NPRL3: variants seen among roughly 807,000 people sequenced by gnomAD.
NPRL3 encodes NPR3 like, GATOR1 complex subunit.
A neutral mutation model predicts 57.2 loss-of-function variants in NPRL3; 23 were observed. That is an observed-to-expected ratio of 0.40 (90% CI 0.29 to 0.57). The LOEUF (loss-of-function observed/expected upper bound fraction) is 0.57, where lower values mean the gene tolerates loss of function less well. NPRL3 is among the 20% of genes least tolerant of loss of function. The pLI, the probability that NPRL3 is intolerant of heterozygous loss-of-function variation, is 0.42. For missense variants in NPRL3, 691 were observed against 767.1 expected (o/e 0.90, Z 1.17); for synonymous variants, 333 against 321.1 (o/e 1.04, Z -0.39).
At chr16:117,270 C>G (rs752069287) in intron 5 of NPRL3, 31 bp downstream of exon 5, 20 of 1,502,964 alleles carry the variant, frequency 1.3e-5, no homozygotes, top group Non-Finnish European at 1.8e-5. Flanking sequence ...GGCCCCACTC[C>G]CTGATCTTAA....
At chr16:133,380 C>G (rs1900903250) in intron 2 of NPRL3, among the ~76,000 whole-genome samples, 2 of 152,092 alleles carry the variant, frequency 1.3e-5, no homozygotes, top group African/African-American at 4.8e-5. Context: ...CATGGGCCAA[C>G]ACGCCCAGCT....
rs375213229 is a variant in NPRL3 at position 136,295 on chromosome 16, C to T, written c.118+1855G>A. Among the ~76,000 whole-genome samples, 10 of 152,298 alleles carry T rather than the reference C, an allele frequency of 6.6e-5. No individual in the cohort carries two copies. In the South Asian group the frequency reaches 1.4e-3, roughly 22 times the overall value. On this transcript the variant is annotated intron_variant, in intron 2 of 13. Coordinates refer to ENST00000611875, the MANE Select transcript of NPRL3 (RefSeq NM_001077350.3). Reference sequence around the variant, plus strand: ...GGCCGGTAAGAAGGACAAGGGTGCTCGACAGGTTCTGATCTACATCAAAGA... The same window carrying T: ...GGCCGGTAAGAAGGACAAGGGTGCTTGACAGGTTCTGATCTACATCAAAGA...
At chr16:135,373 T>C (rs751090359) in intron 2 of NPRL3, among the ~76,000 whole-genome samples, 1 of 152,058 alleles carries the variant, frequency 6.6e-6, no homozygotes, top group Non-Finnish European at 1.5e-5. Context: ...TACTTTGGGA[T>C]GCCGAGGAAG....
At chr16:105,296 A>C (rs1360881895) in intron 7 of NPRL3, among the ~76,000 whole-genome samples, 1 of 152,158 alleles carries the variant, frequency 6.6e-6, no homozygotes, top group Non-Finnish European at 1.5e-5. Flanking sequence ...GCATCTGAGA[A>C]AGCATCCATT....
intron 11 of NPRL3, 70 bp from the exon 12 acceptor site, chr16:89,972 A>G (rs776948968): frequency 1.0e-4 from 146 of 1,426,594 alleles, no homozygotes; most frequent in Middle Eastern, 3.5e-4. Context: ...TCAGGGAGCC[A>G]TGGCCCTAGA....
At position 117,733 on chromosome 16, in the gene NPRL3, A is replaced by C. The variant is rs373996537; in HGVS notation, c.319-358T>G. 9.8e-5 allele frequency among the ~76,000 whole-genome samples: 15 copies of C among 152,342 alleles called. No homozygotes were observed. In the East Asian group the frequency reaches 2.1e-3, roughly 22 times the overall value. On this transcript the variant is annotated intron_variant, in intron 4 of 13. Transcript: ENST00000611875. ...AGGCTGTATCTGCTAAGTATGACGC[A>C]TACTCAGAACAATTGAGGGACAGGA... is the stretch of plus-strand genomic sequence containing the variant.
chr16:124,394 T>C (rs568490948), intron 3 of NPRL3, among the ~76,000 whole-genome samples: 2 of 151,516 alleles, frequency 1.3e-5, no homozygotes, highest in South Asian at 4.2e-4. Flanking sequence ...AGAGACAGGG[T>C]CTCACAATGC....
At chr16:115,588 C>G (rs779216418) in intron 5 of NPRL3, among the ~76,000 whole-genome samples, 1 of 151,856 alleles carries the variant, frequency 6.6e-6, no homozygotes, top group African/African-American at 2.4e-5. Context: ...CGGATTCAAC[C>G]GATTCTACTG....
At chr16:99,978 GAAAAAGAAAAA>G (rs56834525) in intron 8 of NPRL3, among the ~76,000 whole-genome samples, 1,984 of 108,228 alleles carry the variant, frequency 0.018, 39 homozygotes, top group African/African-American at 0.086. Flanking sequence ...AAAAAAAAAA[GAAAAAGAAAAA>G]AAAAAGAAAA....
intron 5 of NPRL3, 111 bp from the exon 6 acceptor site, chr16:112,886 A>C (rs1899878867): frequency 9.4e-7 from 1 of 1,058,918 alleles, no homozygotes; most frequent in Non-Finnish European, 1.3e-6. Flanking sequence ...CCATGAAAGA[A>C]AGCGTCTCTA....
At chr16:114,374 C>T (rs1230277673) in intron 5 of NPRL3, among the ~76,000 whole-genome samples, 5 of 152,138 alleles carry the variant, frequency 3.3e-5, no homozygotes, top group Non-Finnish European at 7.3e-5. Flanking sequence ...TTTAGAAACA[C>T]CATATTTTCA....
intron 2 of NPRL3, among the ~76,000 whole-genome samples, chr16:137,685 G>A (rs1901170507): frequency 6.6e-6 from 1 of 151,862 alleles, no homozygotes; most frequent in Non-Finnish European, 1.5e-5. Context: ...AAGTAGCTAG[G>A]ATTATGGGCA....
At chr16:129,455 A>G (rs1900692529) in intron 3 of NPRL3, among the ~76,000 whole-genome samples, 2 of 152,288 alleles carry the variant, frequency 1.3e-5, no homozygotes, top group South Asian at 2.1e-4. Context: ...CTCCACTCAG[A>G]GACAGTCATC....
At chr16:118,511 A>T (rs1381925981) in intron 4 of NPRL3, among the ~76,000 whole-genome samples, 1 of 152,184 alleles carries the variant, frequency 6.6e-6, no homozygotes, top group Non-Finnish European at 1.5e-5. Flanking sequence ...TTAACTCACT[A>T]TCTTGGCCTC....
In NPRL3 at chr16:119,183, C is replaced by A. The variant is rs1345062988; in HGVS notation, c.261G>T (p.Lys87Asn). The change falls in exon 4 of 14, where the codon AAG (lysine) becomes AAT (asparagine). Residue 87 changes from lysine to asparagine, a missense_variant. Transcript: ENST00000611875. Reference protein sequence around the residue: ...SEMCGQKFELKIDNVRFVGHP... With the variant: ...SEMCGQKFELNIDNVRFVGHP... The stretch of plus-strand genomic sequence containing the variant: ...GCCCAACAAATCGCACATTATCAAT[C>A]TTCAGTTCAAATTTTTGGCCACACA... 5.6e-6 allele frequency: 9 copies of A among 1,612,928 alleles called. No homozygotes were observed. Among genetic ancestry groups the A allele is most frequent in the Non-Finnish European group, 6.8e-6 (8 of 1,179,478 alleles).
At chr16:101,325 G>A (rs1268521006) in intron 7 of NPRL3, among the ~76,000 whole-genome samples, 1 of 152,194 alleles carries the variant, frequency 6.6e-6, no homozygotes, top group Non-Finnish European at 1.5e-5. Context: ...GAAGCACACA[G>A]TGCCCACCTC....
chr16:104,347 G>A (rs28526632), intron 7 of NPRL3, among the ~76,000 whole-genome samples: 4,302 of 152,222 alleles, frequency 0.028, 199 homozygotes, highest in African/African-American at 0.097. Flanking sequence ...TAATCAAATT[G>A]TATGGAGCAT....
rs750309675 is a variant in NPRL3 at position 85,577 on chromosome 16, C to G, written c.*1128G>C. The G allele has an allele frequency of 1.2e-6, 2 of 1,613,190 alleles. No individual in the cohort carries two copies. Among genetic ancestry groups the G allele is most frequent in the East Asian group, 2.2e-5 (1 of 44,886 alleles). Reference sequence around the variant, plus strand: ...CCTGGCCATCAACAAGAGCTTTGACCAGAGGGACCTGGCACAGGATGAAGC... The same window carrying G: ...CCTGGCCATCAACAAGAGCTTTGACGAGAGGGACCTGGCACAGGATGAAGC... On this transcript the variant is annotated 3_prime_UTR_variant, in exon 14 of 14. Coordinates refer to ENST00000611875, the MANE Select transcript of NPRL3 (RefSeq NM_001077350.3).
At chr16:125,420 G>A (rs959422711) in intron 3 of NPRL3, among the ~76,000 whole-genome samples, 1 of 152,196 alleles carries the variant, frequency 6.6e-6, no homozygotes, top group African/African-American at 2.4e-5. Flanking sequence ...AGTAAGCACA[G>A]AGGGCTTCTG....
Sources: gnomAD v4.1 joint callset for allele counts (sites outside exome capture counted in the v4.1 genomes callset) on GRCh38, gnomAD v4.1.1 for gene constraint, MANE v1.5 for transcripts, NCBI Gene and HGNC (gene_info 2026-07-23, HGNC 2026-07-21) for gene names.